Variants in SRGAP2 observed in about 807,000 individuals in gnomAD.
SRGAP2 encodes the protein SLIT-ROBO Rho GTPase activating protein 2.
Under a neutral mutation model 57.2 loss-of-function variants are expected in SRGAP2, and 15 were observed. That is an observed-to-expected ratio of 0.26 (90% CI 0.18 to 0.40). SRGAP2 has a LOEUF of 0.40. Ranked by LOEUF, SRGAP2 falls within the 10% of genes least tolerant of loss-of-function variation. The pLI, the probability that SRGAP2 is intolerant of heterozygous loss-of-function variation, is 1.00. For synonymous variants in SRGAP2, 249 were observed against 248.0 expected, an observed-to-expected ratio of 1.00 and a Z score of -0.04; for missense variants, 520 against 669.6, an observed-to-expected ratio of 0.78 and a Z score of 2.47.
At chr1:206,275,826 A>G (rs1445364334) in intron 2 of SRGAP2, among the ~76,000 whole-genome samples, 1 of 152,044 alleles carries the variant, frequency 6.6e-6, no homozygotes, top group Non-Finnish European at 1.5e-5. Context: ...CACATTTGCC[A>G]GGATGGTCTC....
intron 3 of SRGAP2, among the ~76,000 whole-genome samples, chr1:206,330,187 G>T (rs1254980026): frequency 5.0e-5 from 2 of 39,698 alleles, no homozygotes; most frequent in East Asian, 1.3e-3. Flanking sequence ...GCTTTTTGAT[G>T]TGCTGCTGGA....
intron 10 of SRGAP2, among the ~76,000 whole-genome samples, chr1:206,411,782 A>T (rs1475457904): frequency 9.9e-5 from 15 of 152,256 alleles, no homozygotes; most frequent in African/African-American, 3.6e-4. Context: ...TTTGAAAAGC[A>T]TTCTAGTGCC....
intron 3 of SRGAP2, among the ~76,000 whole-genome samples, chr1:206,307,390 T>C (rs1389906431): frequency 2.0e-5 from 3 of 152,376 alleles, no homozygotes; most frequent in South Asian, 2.1e-4. Context: ...GTTGGCTTCA[T>C]CTAGTGGATC....
chr1:206,381,407 C>A (rs1312910844), intron 4 of SRGAP2, among the ~76,000 whole-genome samples: 1 of 107,744 alleles, frequency 9.3e-6, no homozygotes, highest in Admixed American at 9.8e-5. Context: ...TGGTCACTTC[C>A]TGACCCTGTT....
intron 2 of SRGAP2, among the ~76,000 whole-genome samples, chr1:206,281,900 T>G: frequency 7.1e-6 from 1 of 140,314 alleles, no homozygotes; most frequent in African/African-American, 3.0e-5. Flanking sequence ...GGCGACAGAG[T>G]GAGACTCCGT....
chr1:206,347,273 AAAAAAC>A (rs1675704381), intron 4 of SRGAP2, among the ~76,000 whole-genome samples: 1 of 152,072 alleles, frequency 6.6e-6, no homozygotes, highest in Non-Finnish European at 1.5e-5. Context: ...AAAAACAACA[AAAAAAC>A]AAAAAACAAA....
chr1:206,231,839 C>T (rs536982528), intron 2 of SRGAP2, among the ~76,000 whole-genome samples: 2 of 152,014 alleles, frequency 1.3e-5, no homozygotes, highest in African/African-American at 2.4e-5. Flanking sequence ...TGCCCGGCCT[C>T]GTTTCCTAAT....
chr1:206,334,735 G>A (rs1230852246), intron 3 of SRGAP2, among the ~76,000 whole-genome samples: 1 of 152,006 alleles, frequency 6.6e-6, no homozygotes, highest in African/African-American at 2.4e-5. Context: ...ATTCCACTTT[G>A]GCACAGACAG....
At chr1:206,351,105 C>T (rs1323676236) in intron 4 of SRGAP2, among the ~76,000 whole-genome samples, 4 of 152,158 alleles carry the variant, frequency 2.6e-5, no homozygotes, top group Admixed American at 6.5e-5. Context: ...TATGGCGTGT[C>T]TTGAGTCCAG....
intron 4 of SRGAP2, among the ~76,000 whole-genome samples, chr1:206,354,409 G>A (rs1676274843): frequency 6.6e-6 from 1 of 152,144 alleles, no homozygotes; most frequent in Non-Finnish European, 1.5e-5. Context: ...CCTTTCTGGG[G>A]TTTTCATGGG....
chr1:206,225,858 G>A (rs1234857293), intron 2 of SRGAP2, among the ~76,000 whole-genome samples: 44 of 152,160 alleles, frequency 2.9e-4, no homozygotes, highest in African/African-American at 7.5e-4. Flanking sequence ...GCCTTGCTCC[G>A]AGTTTGGTTG....
At chr1:206,414,655 C>T (rs1213082007) in intron 10 of SRGAP2, among the ~76,000 whole-genome samples, 3 of 151,952 alleles carry the variant, frequency 2.0e-5, no homozygotes, top group Non-Finnish European at 2.9e-5. Flanking sequence ...TGGAGGAGAG[C>T]GGAAAAGATA....
intron 19 of SRGAP2, among the ~76,000 whole-genome samples, chr1:206,452,627 G>T (rs537919695): frequency 5.9e-5 from 9 of 152,246 alleles, no homozygotes; most frequent in Non-Finnish European, 1.3e-4. Flanking sequence ...CGTGGCTCAC[G>T]CCTGTAATCC....
chr1:206,427,456 C>T (rs187787293), intron 13 of SRGAP2, among the ~76,000 whole-genome samples: 3 of 152,238 alleles, frequency 2.0e-5, no homozygotes, highest in East Asian at 1.9e-4. Flanking sequence ...TCGCTGCGAC[C>T]GTCCTGACAC....
intron 10 of SRGAP2, among the ~76,000 whole-genome samples, chr1:206,411,735 G>A (rs781784148): frequency 3.9e-5 from 6 of 152,210 alleles, no homozygotes; most frequent in Non-Finnish European, 8.8e-5. Context: ...CCCATGGTAA[G>A]AGTGTATTTA....
At chr1:206,248,276 C>T (rs1232385474) in intron 2 of SRGAP2, among the ~76,000 whole-genome samples, 4 of 152,076 alleles carry the variant, frequency 2.6e-5, no homozygotes, top group African/African-American at 7.2e-5. Context: ...TAATATTTGT[C>T]GCTGTATTTT....
At chr1:206,286,258 C>T (rs1671017050) in intron 2 of SRGAP2, among the ~76,000 whole-genome samples, 4 of 151,452 alleles carry the variant, frequency 2.6e-5, no homozygotes, top group Non-Finnish European at 5.9e-5. Flanking sequence ...GAAGGAAAAA[C>T]ACTTGTCAAA....
chr1:206,416,851 A>T (rs146201688), intron 11 of SRGAP2, among the ~76,000 whole-genome samples: 2 of 152,310 alleles, frequency 1.3e-5, no homozygotes, highest in African/African-American at 4.8e-5. Context: ...ATATGTGCTA[A>T]CATCAGTTAC....
At chr1:206,455,230 G>A (rs1220497886) in intron 21 of SRGAP2, 2 of 610,930 alleles carry the variant, frequency 3.3e-6, no homozygotes, top group African/African-American at 3.7e-5. Context: ...CAGGTCTCCA[G>A]CTAGCTGCCC....
Sources: gnomAD v4.1 joint callset for allele counts (sites outside exome capture counted in the v4.1 genomes callset) on GRCh38, gnomAD v4.1.1 for gene constraint, MANE v1.5 for transcripts, NCBI Gene and HGNC (gene_info 2026-07-23, HGNC 2026-07-21) for gene names.